Variants in DMD observed in about 807,000 individuals in gnomAD.
DMD encodes dystrophin.
A neutral mutation model predicts 330.1 loss-of-function variants in DMD; 63 were observed. The observed-to-expected ratio is 0.19, with a 90% CI of 0.16 to 0.24. The LOEUF is 0.24. DMD is among the 10% of genes least tolerant of loss of function. DMD has a pLI of 1.00. For missense variants in DMD, 3,344 were observed against 2,684.1 expected, an observed-to-expected ratio of 1.25 and a Z score of -5.43; for synonymous variants, 1,223 against 959.8, an observed-to-expected ratio of 1.27 and a Z score of -5.07.
intron 50 of DMD, among the ~76,000 whole-genome samples, chrX:31,810,261 G>C (rs2092421196): frequency 9.0e-6 from 1 of 110,950 alleles, no homozygotes; most frequent in Non-Finnish European, 1.9e-5. Flanking sequence ...CACTTGGAAG[G>C]GTAGGAGGAG....
At chrX:31,228,934 G>A (rs1328336053) in intron 63 of DMD, among the ~76,000 whole-genome samples, 1 of 112,302 alleles carries the variant, frequency 8.9e-6, no homozygotes, top group African/African-American at 3.2e-5. Context: ...AGGAACAAGG[G>A]CAAACATCAA....
chrX:32,588,488 G>A (rs1312591586), intron 13 of DMD, among the ~76,000 whole-genome samples: 1 of 112,259 alleles, frequency 8.9e-6, no homozygotes, highest in East Asian at 2.8e-4. Context: ...AATGCAGGTT[G>A]AGGGACATAA....
intron 1 of DMD, among the ~76,000 whole-genome samples, chrX:33,064,982 G>T (rs925971145): frequency 8.9e-6 from 1 of 112,058 alleles, no homozygotes; most frequent in Non-Finnish European, 1.9e-5. Flanking sequence ...AATAAGCAAA[G>T]GTCTCTACTT....
chrX:33,318,277 G>A (rs1475200069), intron 1 of DMD, among the ~76,000 whole-genome samples: 1 of 110,362 alleles, frequency 9.1e-6, no homozygotes, highest in Non-Finnish European at 1.9e-5. Context: ...GAATAATTGG[G>A]TCCAGAGAAA....
At chrX:32,652,640 G>A (rs1355463914) in intron 9 of DMD, among the ~76,000 whole-genome samples, 1 of 110,761 alleles carries the variant, frequency 9.0e-6, no homozygotes, top group African/African-American at 3.3e-5. Context: ...TTAATCCTTT[G>A]GGAATATACC....
chrX:31,619,450 T>C (rs1206901695), intron 55 of DMD, among the ~76,000 whole-genome samples: 1 of 112,131 alleles, frequency 8.9e-6, no homozygotes, highest in Non-Finnish European at 1.9e-5. Flanking sequence ...AGCATCCTAT[T>C]AGATTTACAT....
intron 25 of DMD, among the ~76,000 whole-genome samples, chrX:32,457,533 C>A (rs1265426937): frequency 1.8e-5 from 2 of 110,643 alleles, no homozygotes; most frequent in Non-Finnish European, 3.8e-5. Context: ...TGTGCAGAGA[C>A]AAGGGAAAGG....
intron 7 of DMD, among the ~76,000 whole-genome samples, chrX:32,722,841 G>A (rs1424920324): frequency 9.0e-6 from 1 of 110,734 alleles, no homozygotes; most frequent in African/African-American, 3.3e-5. Context: ...GGAGTCCTTA[G>A]GGGTTTCTAC....
chrX:31,650,975 T>C (rs1049620740), intron 54 of DMD, among the ~76,000 whole-genome samples: 6 of 111,736 alleles, frequency 5.4e-5, no homozygotes, highest in Non-Finnish European at 1.1e-4. Context: ...CTACAAAGGA[T>C]GAAGAGGCTT....
At chrX:32,070,333 T>C (rs1258869901) in intron 44 of DMD, among the ~76,000 whole-genome samples, 2 of 110,927 alleles carry the variant, frequency 1.8e-5, no homozygotes, top group African/African-American at 3.3e-5. Context: ...AAAAATAGTA[T>C]TGCAGCCTCT....
intron 67 of DMD, 112 bp downstream of exon 67, chrX:31,203,848 AT>A: frequency 3.1e-6 from 2 of 653,818 alleles, no homozygotes; most frequent in Non-Finnish European, 4.9e-6. Context: ...CCCAAATCCC[AT>A]ACCTACTGCC....
intron 51 of DMD, among the ~76,000 whole-genome samples, chrX:31,762,631 G>A (rs2089692773): frequency 9.0e-6 from 1 of 111,554 alleles, no homozygotes; most frequent in South Asian, 3.7e-4. Flanking sequence ...AGATGACTGG[G>A]GTTGGAGGAA....
intron 45 of DMD, among the ~76,000 whole-genome samples, chrX:31,939,300 AT>A (rs1416682899): frequency 3.6e-5 from 4 of 111,732 alleles, no homozygotes; most frequent in Admixed American, 2.9e-4. Context: ...ACATTTGTTC[AT>A]TTTCCCTAAA....
intron 41 of DMD, among the ~76,000 whole-genome samples, chrX:32,329,354 C>T (rs557795954): frequency 1.3e-4 from 14 of 111,797 alleles, no homozygotes; most frequent in Non-Finnish European, 1.7e-4. Context: ...TGCAATGTGA[C>T]GGGAGACCAG....
chrX:33,281,210 A>ATTTTTT (rs139177044), intron 1 of DMD, among the ~76,000 whole-genome samples: 4 of 92,086 alleles, frequency 4.3e-5, no homozygotes, highest in African/African-American at 1.6e-4. Flanking sequence ...ATGCTATTGC[A>ATTTTTT]TTTTTTTTTT....
At chrX:32,483,167 AC>A (rs1569564678) in intron 21 of DMD, among the ~76,000 whole-genome samples, 33 of 89,076 alleles carry the variant, frequency 3.7e-4, no homozygotes, top group East Asian at 1.2e-3. Flanking sequence ...ATATATATAC[AC>A]CATATTTAAT....
intron 2 of DMD, among the ~76,000 whole-genome samples, chrX:33,015,985 G>A (rs1002779445): frequency 2.6e-4 from 29 of 111,008 alleles, no homozygotes; most frequent in South Asian, 7.7e-4. Flanking sequence ...TAGAGCCAGC[G>A]CCCTTAAACA....
chrX:32,917,071 C>G (rs1419045330), intron 2 of DMD, among the ~76,000 whole-genome samples: 1 of 110,591 alleles, frequency 9.0e-6, no homozygotes. Flanking sequence ...TGGGAGATGA[C>G]TGGATCATGG....
chrX:31,434,409 A>AGT lies in DMD; in HGVS notation c.9084+10071_9084+10072insAC, dbSNP rs1325744173. Among the ~76,000 whole-genome samples the AGT allele has an allele frequency of 4.9e-5, 3 of 61,312 alleles. 1 individual carries two copies. The highest frequency in any genetic ancestry group is 2.4e-4 in the African/African-American group (3 of 12,451). The allele number at this position is 61,312 out of a possible 115,157, so 53.2% of individuals were successfully genotyped here. On this transcript the variant is annotated intron_variant, in intron 60 of 78. Transcript: ENST00000357033. ...CTTTCCTGCCTCTCACCCTTACTGCAGCGCGCGCGCACACACACACACACA... is the reference window on the plus strand; with the variant it reads ...CTTTCCTGCCTCTCACCCTTACTGCAGTGCGCGCGCGCACACACACACACACA...
Sources: gnomAD v4.1 joint callset for allele counts (sites outside exome capture counted in the v4.1 genomes callset) on GRCh38, gnomAD v4.1.1 for gene constraint, MANE v1.5 for transcripts, NCBI Gene and HGNC (gene_info 2026-07-23, HGNC 2026-07-21) for gene names.